The following CACNA1S variants were observed in gnomAD, a reference collection of about 807,000 sequenced individuals.
CACNA1S encodes calcium voltage-gated channel subunit alpha1 S.
CACNA1S carries 126 observed loss-of-function variants against 207.4 expected under a neutral mutation model. That is an observed-to-expected ratio of 0.61 (90% CI 0.53 to 0.70). The LOEUF (loss-of-function observed/expected upper bound fraction) is 0.70. Among genes scored for constraint, CACNA1S ranks in the 30% least tolerant of loss-of-function variants. The pLI is 0.00. For synonymous variants in CACNA1S, 960 were observed against 932.7 expected (o/e 1.03, Z -0.53); for missense variants, 2,349 against 2,422.8 (o/e 0.97, Z 0.64).
chr1:201,105,221 T>C (rs1662833300), intron 2 of CACNA1S, among the ~76,000 whole-genome samples: 1 of 152,182 alleles, frequency 6.6e-6, no homozygotes, highest in African/African-American at 2.4e-5. Flanking sequence ...GCATAACTGT[T>C]GGGGGTTAGA....
intron 27 of CACNA1S, among the ~76,000 whole-genome samples, chr1:201,058,819 G>T (rs997864625): frequency 1.3e-5 from 2 of 152,176 alleles, no homozygotes; most frequent in African/African-American, 4.8e-5. Context: ...TCCTATCTGG[G>T]GCTTGACAGT....
intron 8 of CACNA1S, 59 bp from the exon 9 acceptor site, chr1:201,085,090 C>T: frequency 1.7e-6 from 2 of 1,184,732 alleles, no homozygotes; most frequent in Non-Finnish European, 2.5e-6. Flanking sequence ...CTGGACACAC[C>T]TGGACTGGGC....
chr1:201,070,019 C>A (rs976283382), intron 17 of CACNA1S, among the ~76,000 whole-genome samples: 1 of 152,184 alleles, frequency 6.6e-6, no homozygotes, highest in Non-Finnish European at 1.5e-5. Context: ...TCCCCCTTGA[C>A]CTGTCTAAAG....
chr1:201,041,258 C>G (rs1027464647), intron 41 of CACNA1S, among the ~76,000 whole-genome samples: 24 of 152,128 alleles, frequency 1.6e-4, no homozygotes, highest in African/African-American at 5.3e-4. Context: ...CTGCAGAGGG[C>G]CCTTTAGCAT....
At chr1:201,095,795 G>C (rs1248713642) in intron 2 of CACNA1S, among the ~76,000 whole-genome samples, 2 of 152,206 alleles carry the variant, frequency 1.3e-5, no homozygotes, top group African/African-American at 2.4e-5. Flanking sequence ...GCTGCTCCAA[G>C]GAGGAGAGCT....
intron 8 of CACNA1S, 53 bp from the exon 9 acceptor site, chr1:201,085,084 A>G (rs1661985657): frequency 3.2e-6 from 4 of 1,267,648 alleles, no homozygotes; most frequent in Non-Finnish European, 4.6e-6. Context: ...TCTGGGCTGG[A>G]CACACCTGGA....
At chr1:201,075,650 A>G in intron 12 of CACNA1S, 35 bp from the exon 13 acceptor site, 1 of 1,612,070 alleles carries the variant, frequency 6.2e-7, no homozygotes. Flanking sequence ...TCGGGAACAC[A>G]GAGGGGCCTG....
chr1:201,075,539 A>C lies in CACNA1S; in HGVS notation c.1904T>G (p.Met635Arg). The C allele has an allele frequency of 6.2e-7, 1 of 1,613,864 alleles. No homozygotes were observed. Among genetic ancestry groups the C allele is most frequent in the East Asian group, 2.2e-5 (1 of 44,856 alleles). Reference protein sequence around the residue: ...MAYGGPSYPGMLVCIYFIILF... With the variant: ...MAYGGPSYPGRLVCIYFIILF... ...GATGATGAAGTAAATGCACACAAGC[A>C]TGCCAGGGTAGGACGGCCCGCCGTA... Residue 635 changes from methionine (M) to arginine (R), a missense_variant, in exon 13 of 44, where the codon ATG (methionine) becomes AGG (arginine). Met to Arg is a moderately conservative substitution (Grantham distance 91). Coordinates refer to ENST00000362061, the MANE Select transcript of CACNA1S (RefSeq NM_000069.3).
At chr1:201,051,496 C>T (rs866026690) in intron 32 of CACNA1S, among the ~76,000 whole-genome samples, 3 of 152,208 alleles carry the variant, frequency 2.0e-5, no homozygotes, top group African/African-American at 7.2e-5. Flanking sequence ...TCTGAGGTAA[C>T]CCCACAGTTG....
intron 2 of CACNA1S, among the ~76,000 whole-genome samples, chr1:201,100,555 C>G (rs1266666673): frequency 1.3e-5 from 2 of 152,208 alleles, no homozygotes; most frequent in African/African-American, 4.8e-5. Context: ...TCTCATTTCC[C>G]TCTTCCAGTT....
chr1:201,041,638 T>C (rs1330629335), intron 40 of CACNA1S, 49 bp from the exon 41 acceptor site: 2 of 1,370,594 alleles, frequency 1.5e-6, no homozygotes, highest in East Asian at 2.3e-5. Context: ...GCTAGCTCTC[T>C]CGGCATCCCT....
chr1:201,078,614 C>G (rs1661720933), intron 10 of CACNA1S, among the ~76,000 whole-genome samples: 1 of 150,898 alleles, frequency 6.6e-6, no homozygotes, highest in Non-Finnish European at 1.5e-5. Context: ...TTTTATTACT[C>G]TTAATTCTAC....
rs780587136 is a variant in CACNA1S, at chr1:201,072,812, C to T, written c.2170G>A (p.Glu724Lys). Reference sequence around the variant, plus strand: ...ACCTCATTGACATTAGATTCAAACTCATCGATTTTCAGCTGTAGGAAGGAA... The same window carrying T: ...ACCTCATTGACATTAGATTCAAACTTATCGATTTTCAGCTGTAGGAAGGAA... ...IPTTAKLKID[E>K]FESNVNEVKD... Residue 724 changes from glutamate (E) to lysine (K), a missense_variant, in exon 16 of 44, where the codon GAG (glutamate) becomes AAG (lysine). By Grantham distance (56) the Glu-to-Lys change is moderately conservative (BLOSUM62 1). Transcript: ENST00000362061. The T allele has an allele frequency of 1.9e-6, 3 of 1,613,578 alleles. No individual in the cohort carries two copies. Among genetic ancestry groups the T allele is most frequent in the African/African-American group, 2.7e-5 (2 of 74,894 alleles).
chr1:201,107,718 A>G (rs537166050), intron 2 of CACNA1S, among the ~76,000 whole-genome samples: 11 of 152,136 alleles, frequency 7.2e-5, no homozygotes, highest in African/African-American at 2.7e-4. Flanking sequence ...GCCCTTTTCT[A>G]CTCTGACTCC....
At chr1:201,107,532 AG>A (rs1237246008) in intron 2 of CACNA1S, among the ~76,000 whole-genome samples, 4 of 152,254 alleles carry the variant, frequency 2.6e-5, no homozygotes, top group Non-Finnish European at 2.9e-5. Flanking sequence ...AGTATGTGCC[AG>A]GGATGTGATA....
chr1:201,107,386 T>C (rs12132807), intron 2 of CACNA1S, among the ~76,000 whole-genome samples: 20,826 of 152,184 alleles, frequency 0.14, 1,540 homozygotes, highest in Non-Finnish European at 0.16. Context: ...TACCATAATA[T>C]CCCCAAATCT....
chr1:201,100,087 T>A (rs1403001699), intron 2 of CACNA1S, among the ~76,000 whole-genome samples: 1 of 152,164 alleles, frequency 6.6e-6, no homozygotes, highest in Non-Finnish European at 1.5e-5. Flanking sequence ...GCGGGATAAC[T>A]GAAAGCACCA....
At position 201,047,547 on chromosome 1, in the gene CACNA1S, G is replaced by C; in HGVS notation, c.4521C>G (p.Asp1507Glu). ...IWKRTSMKLL[D>E]QVIPPIGDDE... ...TACCTCCTATTGGAGGGATGACCTG[G>C]TCCAAGAGCTTCATGCTGGTTCTCT... The change falls in exon 37 of 44, where the codon GAC becomes GAG. Residue 1507 changes from aspartate (D) to glutamate (E), a missense_variant. Physicochemically the swap from Asp to Glu is conservative, Grantham distance 45. Transcript: ENST00000362061. 6.2e-7 allele frequency: 1 copy of C among 1,614,026 alleles called. No homozygotes were observed. Among genetic ancestry groups the C allele is most frequent in the Non-Finnish European group, 8.5e-7 (1 of 1,179,890 alleles).
chr1:201,048,742 G>T, intron 35 of CACNA1S, 58 bp from the exon 36 acceptor site: 1 of 1,470,958 alleles, frequency 6.8e-7, no homozygotes, highest in Non-Finnish European at 9.5e-7. Context: ...AGCTTGGCAA[G>T]TCATCCTCAC....
Sources: allele counts gnomAD v4.1 joint callset (sites outside exome capture counted in the v4.1 genomes callset), GRCh38; gene constraint gnomAD v4.1.1; transcripts MANE v1.5; gene names NCBI Gene and HGNC (gene_info 2026-07-23, HGNC 2026-07-21).